MMP7: variants seen among roughly 807,000 people sequenced by gnomAD.
The protein encoded by MMP7 is matrix metallopeptidase 7, also known as matrilysin.
MMP7 carries 26 observed loss-of-function variants against 31.5 expected under a neutral mutation model. The ratio of observed to expected loss-of-function variants is 0.83; its 90% CI spans 0.61 to 1.15. MMP7 has a LOEUF of 1.15. Among genes scored for constraint, MMP7 ranks in the 50% most tolerant of loss-of-function variants. The pLI is 0.00. For synonymous variants in MMP7, 142 were observed against 124.2 expected, an observed-to-expected ratio of 1.14 and a Z score of -0.95; for missense variants, 367 against 326.5, an observed-to-expected ratio of 1.12 and a Z score of -0.96.
intron 1 of MMP7, among the ~76,000 whole-genome samples, chr11:102,530,251 C>T (rs1029166015): frequency 2.6e-5 from 4 of 152,144 alleles, no homozygotes; most frequent in Non-Finnish European, 5.9e-5. Context: ...AACAATGTTT[C>T]AGGTATTGTG....
Position 102,527,297 on chromosome 11 carries a change from G to A in MMP7, c.484+227C>T, listed in dbSNP as rs2135905384. Reference sequence around the variant, plus strand: ...CTTTATTTACAAAAACAGAAGGTGGGCTGGATTTGGCTCATGCATCATAGT... The same window carrying A: ...CTTTATTTACAAAAACAGAAGGTGGACTGGATTTGGCTCATGCATCATAGT... On this transcript the variant is annotated intron_variant, in intron 3 of 5. Transcript: ENST00000260227. 5.6e-6 allele frequency: 3 copies of A among 531,944 alleles called. No individual in the cohort carries two copies. In the East Asian group the frequency reaches 1.0e-4, roughly 18 times the overall value. 33.0% of individuals were successfully genotyped at this position (531,944 alleles called of 1,614,324 possible). A position where few individuals can be genotyped will look rare whatever the true frequency, so the allele number is the denominator to read the frequency against.
chr11:102,521,512 T>A (rs1858613559), intron 5 of MMP7, among the ~76,000 whole-genome samples: 1 of 152,192 alleles, frequency 6.6e-6, no homozygotes, highest in African/African-American at 2.4e-5. Flanking sequence ...TTTTTATCAT[T>A]CTGAGTATAG....
In MMP7 at chr11:102,523,359, G is replaced by T; in HGVS notation, c.656C>A (p.Ser219Tyr). The T allele has an allele frequency of 6.2e-7, 1 of 1,610,860 alleles. No individual in the cohort carries two copies. Among genetic ancestry groups the T allele is most frequent in the Non-Finnish European group, 8.5e-7 (1 of 1,178,302 alleles). The change falls in exon 5 of 6, where the codon TCT becomes TAT. Residue 219 changes from serine (S) to tyrosine (Y), a missense_variant. Transcript: ENST00000260227. ...LYAATHELGHSLGMGHSSDPN... is the reference protein window; with the variant it reads ...LYAATHELGHYLGMGHSSDPN... ...ATCAGAGGAATGTCCCATACCCAAA[G>T]AATGGCCAAGTTCATGAGTTGCAGC...
chr11:102,524,707 C>T (rs1460310835), intron 4 of MMP7: 7 of 303,624 alleles, frequency 2.3e-5, no homozygotes, highest in Admixed American at 1.0e-4. Flanking sequence ...AATTGGTAGA[C>T]GTACAGCAAA....
chr11:102,521,974 T>A (rs1387926705), intron 5 of MMP7, among the ~76,000 whole-genome samples: 1 of 152,254 alleles, frequency 6.6e-6, no homozygotes, highest in African/African-American at 2.4e-5. Flanking sequence ...TTTTCCAAAG[T>A]GTGTTCTCTG....
chr11:102,525,690 G>A (rs1379291162), intron 3 of MMP7, among the ~76,000 whole-genome samples: 5 of 151,614 alleles, frequency 3.3e-5, no homozygotes, highest in African/African-American at 4.8e-5. Flanking sequence ...CACTTTGCTC[G>A]GCCAAAGGGT....
chr11:102,522,434 C>T (rs1425140129), intron 5 of MMP7, among the ~76,000 whole-genome samples: 1 of 152,132 alleles, frequency 6.6e-6, no homozygotes, highest in East Asian at 1.9e-4. Flanking sequence ...TTTATTCTTA[C>T]TAGGATAAAA....
chr11:102,527,581 G>T lies in MMP7; in HGVS notation c.427C>A (p.His143Asn), dbSNP rs138040947. 3.1e-6 allele frequency: 5 copies of T among 1,614,174 alleles called. No individual in the cohort carries two copies. In the South Asian group the frequency reaches 3.3e-5, roughly 11 times the overall value. ...GTTCCCCATACAACTTTCCTGAAAT[G>T]CAGGGGGATCTCTTTGCCCCACATG... ...LNMWGKEIPL[H>N]FRKVVWGTAD... The change falls in exon 3 of 6, where the codon CAT becomes AAT. Residue 143 changes from histidine to asparagine, a missense_variant. His to Asn is a moderately conservative substitution (Grantham distance 68, BLOSUM62 1). Transcript: ENST00000260227.
intron 5 of MMP7, among the ~76,000 whole-genome samples, chr11:102,522,354 C>T (rs1483457259): frequency 6.6e-6 from 1 of 152,234 alleles, no homozygotes; most frequent in African/African-American, 2.4e-5. Context: ...AGTGTATTCT[C>T]TTCATCCTGA....
At chr11:102,526,546 ATTT>A in intron 3 of MMP7, among the ~76,000 whole-genome samples, 2 of 152,042 alleles carry the variant, frequency 1.3e-5, no homozygotes, top group Non-Finnish European at 2.9e-5. Flanking sequence ...TGTGTTATAT[ATTT>A]TTAAGTTCTT....
chr11:102,525,931 T>C (rs1017199320), intron 3 of MMP7, among the ~76,000 whole-genome samples: 5 of 152,066 alleles, frequency 3.3e-5, no homozygotes, highest in Non-Finnish European at 7.4e-5. Flanking sequence ...CCAGTTTATC[T>C]AGCTCTTAAA....
intron 5 of MMP7, among the ~76,000 whole-genome samples, chr11:102,521,194 A>T (rs1051848652): frequency 1.3e-5 from 2 of 152,062 alleles, no homozygotes; most frequent in African/African-American, 4.8e-5. Context: ...AATGCATGTT[A>T]GCTATTATTT....
chr11:102,529,593 T>C (rs1283369162), intron 1 of MMP7, among the ~76,000 whole-genome samples: 1 of 152,348 alleles, frequency 6.6e-6, no homozygotes, highest in African/African-American at 2.4e-5. Flanking sequence ...ATCTAACTTA[T>C]TATAACTGGA....
At chr11:102,524,673 A>G (rs896803836) in intron 4 of MMP7, 13 of 230,132 alleles carry the variant, frequency 5.6e-5, no homozygotes, top group African/African-American at 2.5e-4. Context: ...GAGAAATTCA[A>G]TAACTTGCCC....
chr11:102,530,396 A>G (rs1332263035), intron 1 of MMP7, among the ~76,000 whole-genome samples, 197 bp downstream of exon 1: 2 of 152,196 alleles, frequency 1.3e-5, no homozygotes, highest in African/African-American at 4.8e-5. Flanking sequence ...TTGGAACTCA[A>G]GCCCGATTTG....
At position 102,530,609 on chromosome 11, in the gene MMP7, T is replaced by C. The variant is rs149061598; in HGVS notation, c.92A>G (p.Gln31Arg). ...PQEAGGMSELQWEQAQDYLKR... is the reference protein window; with the variant it reads ...PQEAGGMSELRWEQAQDYLKR... ...GTGACATACCTGAGCCTGTTCCCAC[T>C]GTAGCTCACTCATGCCTCCCGCCTC... is the stretch of plus-strand genomic sequence containing the variant. Residue 31 changes from glutamine (Q) to arginine (R), a missense_variant, in exon 1 of 6, where the codon CAG becomes CGG. Physicochemically the swap from Gln to Arg is conservative, Grantham distance 43. Transcript: ENST00000260227. The C allele has an allele frequency of 6.9e-5, 112 of 1,613,784 alleles. No individual in the cohort carries two copies. Among genetic ancestry groups the C allele is most frequent in the Admixed American group, 2.0e-4 (12 of 60,006 alleles).
At chr11:102,526,261 A>T (rs1446571923) in intron 3 of MMP7, among the ~76,000 whole-genome samples, 1 of 147,420 alleles carries the variant, frequency 6.8e-6, no homozygotes, top group Non-Finnish European at 1.5e-5. Flanking sequence ...TTCTTTTGAG[A>T]CATAGTCTTG....
chr11:102,522,519 T>C (rs1284756922), intron 5 of MMP7, among the ~76,000 whole-genome samples: 1 of 152,238 alleles, frequency 6.6e-6, no homozygotes, highest in Non-Finnish European at 1.5e-5. Context: ...CTTGGAATCA[T>C]GGCTCAAGCA....
intron 4 of MMP7, among the ~76,000 whole-genome samples, chr11:102,523,641 A>G (rs1185936125): frequency 1.3e-5 from 2 of 151,920 alleles, no homozygotes; most frequent in Non-Finnish European, 2.9e-5. Flanking sequence ...AATTTTTTTT[A>G]TTTGCTTCTT....
Sources: gnomAD v4.1 joint callset for allele counts (sites outside exome capture counted in the v4.1 genomes callset) on GRCh38, gnomAD v4.1.1 for gene constraint, MANE v1.5 for transcripts, NCBI Gene and HGNC (gene_info 2026-07-23, HGNC 2026-07-21) for gene names.